The following PREX1 variants were observed in gnomAD, a reference collection of about 807,000 sequenced individuals.
PREX1 encodes the protein phosphatidylinositol-3,4,5-trisphosphate dependent Rac exchange factor 1.
Under a neutral mutation model 198.3 loss-of-function variants are expected in PREX1, and 41 were observed. The ratio of observed to expected loss-of-function variants is 0.21; its 90% CI spans 0.16 to 0.27. PREX1 has a LOEUF of 0.27. Ranked by LOEUF, PREX1 falls within the 10% of genes least tolerant of loss-of-function variation. The probability of loss-of-function intolerance (pLI) is 1.00; values close to 1 mark genes in which losing one functional copy is unlikely to be tolerated. For synonymous variants in PREX1, 843 were observed against 887.2 expected, an observed-to-expected ratio of 0.95 and a Z score of 0.89; for missense variants, 1,620 against 2,200.7, an observed-to-expected ratio of 0.74 and a Z score of 5.28.
the PREX1 span, among the ~76,000 whole-genome samples, chr20:48,859,414 C>G: frequency 2.4e-4 from 36 of 152,260 alleles, no homozygotes; most frequent in African/African-American, 7.9e-4. Flanking sequence ...GAAGATTCTC[C>G]CATGTGACTA....
upstream of PREX1, among the ~76,000 whole-genome samples, chr20:48,832,789 A>C (rs2090539931): frequency 6.6e-6 from 1 of 152,228 alleles, no homozygotes; most frequent in Non-Finnish European, 1.5e-5. Flanking sequence ...GCTCTGGTTC[A>C]AGGTCTGATT....
intron 5 of PREX1, among the ~76,000 whole-genome samples, chr20:48,709,754 A>G (rs2089922001): frequency 6.6e-6 from 1 of 152,296 alleles, no homozygotes; most frequent in East Asian, 1.9e-4. Flanking sequence ...AGCACTCAAT[A>G]TATGCGAGCC....
intron 1 of PREX1, among the ~76,000 whole-genome samples, chr20:48,757,203 G>A (rs953842438): frequency 2.0e-5 from 3 of 152,034 alleles, no homozygotes; most frequent in Non-Finnish European, 4.4e-5. Flanking sequence ...CCATTCCCCT[G>A]CACACTGTAT....
chr20:48,703,186 C>A (rs1568831531), intron 6 of PREX1, among the ~76,000 whole-genome samples: 1 of 152,228 alleles, frequency 6.6e-6, no homozygotes, highest in Non-Finnish European at 1.5e-5. Context: ...GCTGTTAGGG[C>A]TGGTCTGCTC....
the PREX1 span, among the ~76,000 whole-genome samples, chr20:48,870,950 CAAA>C: frequency 0.012 from 7 of 594 alleles, no homozygotes; most frequent in African/African-American, 0.05. Flanking sequence ...GACTCCATCT[CAAA>C]AAAAAAAAAA....
chr20:48,729,112 C>T (rs1164666916), intron 4 of PREX1, among the ~76,000 whole-genome samples: 1 of 151,748 alleles, frequency 6.6e-6, no homozygotes, highest in Admixed American at 6.6e-5. Context: ...GAATCTCATT[C>T]TGTCGCCCAG....
chr20:48,748,351 T>C (rs1370659478), intron 1 of PREX1, among the ~76,000 whole-genome samples: 1 of 152,050 alleles, frequency 6.6e-6, no homozygotes, highest in African/African-American at 2.4e-5. Context: ...AAAGTCTCTC[T>C]CCTTACCCCA....
chr20:48,814,706 G>C (rs2090452322), intron 1 of PREX1, among the ~76,000 whole-genome samples: 1 of 152,222 alleles, frequency 6.6e-6, no homozygotes, highest in Non-Finnish European at 1.5e-5. Flanking sequence ...CTCCAGCAGA[G>C]TGAGGATGGG....
At chr20:48,799,397 T>A (rs896899705) in intron 1 of PREX1, among the ~76,000 whole-genome samples, 3 of 151,992 alleles carry the variant, frequency 2.0e-5, no homozygotes, top group African/African-American at 7.3e-5. Flanking sequence ...GTTCGAAACA[T>A]CCCTCTAAGC....
At chr20:48,688,331 CAGAAG>C (rs1386879652) in intron 10 of PREX1, among the ~76,000 whole-genome samples, 1 of 152,056 alleles carries the variant, frequency 6.6e-6, no homozygotes, top group African/African-American at 2.4e-5. Context: ...ATAGAAAGAA[CAGAAG>C]AGAACAGAAA....
chr20:48,781,976 G>A (rs2090291793), intron 1 of PREX1, among the ~76,000 whole-genome samples: 1 of 152,194 alleles, frequency 6.6e-6, no homozygotes, highest in Non-Finnish European at 1.5e-5. Context: ...GACTTACCCT[G>A]TTACAGATGG....
the PREX1 span, among the ~76,000 whole-genome samples, chr20:48,880,731 T>C: frequency 6.6e-6 from 1 of 151,976 alleles, no homozygotes. Context: ...CCACCCCAAA[T>C]AAAGTTCAGG....
At chr20:48,740,752 T>A (rs1419869594) in intron 3 of PREX1, among the ~76,000 whole-genome samples, 1 of 152,218 alleles carries the variant, frequency 6.6e-6, no homozygotes, top group Non-Finnish European at 1.5e-5. Context: ...AAACACTGTA[T>A]CACACACTGA....
intron 1 of PREX1, among the ~76,000 whole-genome samples, chr20:48,801,000 A>G (rs1020132553): frequency 6.6e-6 from 1 of 152,182 alleles, no homozygotes; most frequent in Non-Finnish European, 1.5e-5. Flanking sequence ...ATGTTAGCTT[A>G]AAATCTGCCA....
the PREX1 span, among the ~76,000 whole-genome samples, chr20:48,842,774 A>G: frequency 6.6e-6 from 1 of 151,746 alleles, no homozygotes; most frequent in Non-Finnish European, 1.5e-5. Context: ...TTGGCCCCTC[A>G]CTGGCTATGT....
At chr20:48,774,513 T>C (rs2090251936) in intron 1 of PREX1, among the ~76,000 whole-genome samples, 1 of 152,236 alleles carries the variant, frequency 6.6e-6, no homozygotes, top group African/African-American at 2.4e-5. Context: ...ACCTACCCTT[T>C]TCTTGTTGCA....
At chr20:48,858,345 C>G in the PREX1 span, among the ~76,000 whole-genome samples, 4 of 152,226 alleles carry the variant, frequency 2.6e-5, no homozygotes, top group Non-Finnish European at 5.9e-5. Context: ...ACTCACTCAG[C>G]ATCAATCTCC....
intron 11 of PREX1, 55 bp from the exon 12 acceptor site, chr20:48,679,809 C>A: frequency 7.2e-7 from 1 of 1,398,020 alleles, no homozygotes; most frequent in Non-Finnish European, 1.0e-6. Context: ...CCCCTCCCAG[C>A]CACGCCCCCC....
At chr20:48,848,696 G>A in the PREX1 span, among the ~76,000 whole-genome samples, 7 of 152,174 alleles carry the variant, frequency 4.6e-5, no homozygotes, top group African/African-American at 1.7e-4. Flanking sequence ...CTTCGCAGAC[G>A]TTTGCAGACC....
Sources: gnomAD v4.1 joint callset for allele counts (sites outside exome capture counted in the v4.1 genomes callset) on GRCh38, gnomAD v4.1.1 for gene constraint, MANE v1.5 for transcripts, NCBI Gene and HGNC (gene_info 2026-07-23, HGNC 2026-07-21) for gene names.